ASAP1: variants seen among roughly 807,000 people sequenced by gnomAD.
ASAP1 encodes arf-GAP with SH3 domain, ANK repeat and PH domain-containing protein 1.
A neutral mutation model predicts 145.2 loss-of-function variants in ASAP1; 43 were observed. The ratio of observed to expected loss-of-function variants is 0.30; its 90% CI spans 0.23 to 0.38. The LOEUF is 0.38. Among genes scored for constraint, ASAP1 ranks in the 10% least tolerant of loss-of-function variants. The pLI is 1.00. For missense variants in ASAP1, 1,018 were observed against 1,355.3 expected (o/e 0.75, Z 3.91); for synonymous variants, 546 against 515.5 (o/e 1.06, Z -0.80).
chr8:130,341,905 G>A lies in ASAP1; in HGVS notation c.186+16112C>T, dbSNP rs1825407721. 2.0e-5 allele frequency among the ~76,000 whole-genome samples: 3 copies of A among 152,186 alleles called. No individual in the cohort carries two copies. The South Asian group carries it at 6.2e-4, about 31-fold the overall frequency. Reference sequence around the variant, plus strand: ...AGACTCTTGGCATTGTTTTCTAAGGGTTCACTGGACCGAGAGATGGGAAGA... The same window carrying A: ...AGACTCTTGGCATTGTTTTCTAAGGATTCACTGGACCGAGAGATGGGAAGA... On this transcript the variant is annotated intron_variant, in intron 3 of 29. Coordinates refer to ENST00000518721, the MANE Select transcript of ASAP1 (RefSeq NM_018482.4).
At chr8:130,282,533 T>C (rs1049455544) in intron 3 of ASAP1, among the ~76,000 whole-genome samples, 32 of 152,216 alleles carry the variant, frequency 2.1e-4, no homozygotes, top group African/African-American at 7.2e-4. Context: ...TTATTAATCA[T>C]GATGTGTGAA....
intron 27 of ASAP1, among the ~76,000 whole-genome samples, chr8:130,072,831 G>GTGTGCGTGCGCGC (rs58907739): frequency 2.7e-5 from 3 of 110,692 alleles, no homozygotes; most frequent in African/African-American, 7.2e-5. Flanking sequence ...GTGTGCGCGC[G>GTGTGCGTGCGCGC]GGGGGGGGCA....
chr8:130,358,065 G>A lies in ASAP1; in HGVS notation c.138C>T (p.Phe46=), dbSNP rs1490034277. Reference sequence around the variant, plus strand: ...TCCTGCAGTTGTGCAGCCGCGTGGTGAAGCTGGACGTGGTGGGCGAGTTGT... The same window carrying A: ...TCCTGCAGTTGTGCAGCCGCGTGGTAAAGCTGGACGTGGTGGGCGAGTTGT... ...EDYNSPTTSS[F]TTRLHNCRNT... The change falls in exon 3 of 30, where the codon TTC becomes TTT. Residue 46 remains phenylalanine, a synonymous_variant. Transcript: ENST00000518721. The surrounding 1 kb of genome is among the most constrained non-coding windows in gnomAD (Gnocchi z 4.1). 13 of 1,611,022 alleles carry A rather than the reference G, an allele frequency of 8.1e-6. No individual in the cohort carries two copies. Among genetic ancestry groups the A allele is most frequent in the African/African-American group, 2.7e-5 (2 of 74,858 alleles).
At chr8:130,433,391 T>A (rs904024587) in intron 1 of ASAP1, among the ~76,000 whole-genome samples, 10 of 152,198 alleles carry the variant, frequency 6.6e-5, no homozygotes, top group African/African-American at 2.4e-4. Flanking sequence ...CTGCCTATCT[T>A]GGAAGAGTAA....
At chr8:130,153,350 T>TATATATATATATATATAC (rs1235141329) in intron 12 of ASAP1, among the ~76,000 whole-genome samples, 1 of 48,534 alleles carries the variant, frequency 2.1e-5, no homozygotes, top group East Asian at 1.5e-3. Flanking sequence ...TATATATATA[T>TATATATATATATATATAC]ATATATATGT....
At chr8:130,072,656 T>C (rs2097449516) in intron 27 of ASAP1, among the ~76,000 whole-genome samples, 1 of 152,024 alleles carries the variant, frequency 6.6e-6, no homozygotes, top group Non-Finnish European at 1.5e-5. Context: ...GTATCCTTTA[T>C]GATAAACTGG....
chr8:130,096,795 A>C (rs750127369), intron 24 of ASAP1, among the ~76,000 whole-genome samples: 11 of 152,140 alleles, frequency 7.2e-5, no homozygotes, highest in Non-Finnish European at 1.2e-4. Flanking sequence ...GTGAGAAGGC[A>C]AGCCACATAT....
intron 3 of ASAP1, among the ~76,000 whole-genome samples, chr8:130,313,744 C>T (rs1823497848): frequency 6.6e-6 from 1 of 152,212 alleles, no homozygotes; most frequent in African/African-American, 2.4e-5. Context: ...TTATCTCAGA[C>T]ATGATCCACA....
At chr8:130,246,796 T>C (rs1210283693) in intron 3 of ASAP1, among the ~76,000 whole-genome samples, 1 of 152,186 alleles carries the variant, frequency 6.6e-6, no homozygotes, top group African/African-American at 2.4e-5. Context: ...AACCCACCTC[T>C]GAGGGCTAAG....
At chr8:130,342,953 G>A (rs942082804) in intron 3 of ASAP1, among the ~76,000 whole-genome samples, 1 of 152,162 alleles carries the variant, frequency 6.6e-6, no homozygotes, top group Non-Finnish European at 1.5e-5. Flanking sequence ...AACCATGTGT[G>A]AACGAAGGGG....
At chr8:130,072,832 G>GTGTGTGTGTGT (rs61663506) in intron 27 of ASAP1, among the ~76,000 whole-genome samples, 13 of 11,708 alleles carry the variant, frequency 1.1e-3, no homozygotes, top group African/African-American at 4.4e-3. Flanking sequence ...TGTGCGCGCG[G>GTGTGTGTGTGT]GGGGGGGCAG....
chr8:130,248,170 A>G (rs1281707993), intron 3 of ASAP1, among the ~76,000 whole-genome samples: 1 of 151,844 alleles, frequency 6.6e-6, no homozygotes, highest in African/African-American at 2.4e-5. Flanking sequence ...ACTCTGGCCC[A>G]TTGAGAGGTC....
chr8:130,126,543 A>G (rs2135727252), intron 16 of ASAP1, among the ~76,000 whole-genome samples: 1 of 152,344 alleles, frequency 6.6e-6, no homozygotes, highest in South Asian at 2.1e-4. Flanking sequence ...AGACAGCTGT[A>G]AATATTGAAC....
chr8:130,410,953 C>T (rs777935122), intron 1 of ASAP1, among the ~76,000 whole-genome samples: 10 of 152,186 alleles, frequency 6.6e-5, no homozygotes, highest in African/African-American at 9.7e-5. Context: ...CTCCGTCTCC[C>T]GGGTTCAAGC....
rs772892011 is a variant in ASAP1 at position 130,112,318 on chromosome 8, C to T, written c.2177G>A (p.Ser726Asn). 1.9e-6 allele frequency: 3 copies of T among 1,613,458 alleles called. No individual in the cohort carries two copies. The highest frequency in any genetic ancestry group is 4.5e-5 in the East Asian group (2 of 44,872). ...ESDDDLDDKPSPIKKERSPRP... is the reference protein window; with the variant it reads ...ESDDDLDDKPNPIKKERSPRP... ...GGGTGAGCGCTCTTTCTTGATAGGG[C>T]TTGGCTGGCAGATGAAATAAGAAGG... Residue 726 changes from serine (S) to asparagine (N), a missense_variant, in exon 24 of 30, where the codon AGC becomes AAC. Physicochemically the swap from Ser to Asn is conservative, Grantham distance 46. Transcript: ENST00000518721.
At chr8:130,152,521 G>C in intron 13 of ASAP1, 2 of 378,332 alleles carry the variant, frequency 5.3e-6, no homozygotes, top group Non-Finnish European at 9.4e-6. Flanking sequence ...TATTCATTTT[G>C]AGAGAGCAAA....
At chr8:130,247,746 C>T (rs1012915056) in intron 3 of ASAP1, among the ~76,000 whole-genome samples, 3 of 152,160 alleles carry the variant, frequency 2.0e-5, no homozygotes, top group Non-Finnish European at 2.9e-5. Flanking sequence ...GGTCTATCTG[C>T]TAAATACTTT....
intron 28 of ASAP1, among the ~76,000 whole-genome samples, chr8:130,058,467 T>C (rs2097409472): frequency 6.6e-6 from 1 of 152,224 alleles, no homozygotes; most frequent in Non-Finnish European, 1.5e-5. Context: ...GGAAACATGA[T>C]GTAAAGCAAA....
chr8:130,415,780 CAA>C (rs1194904074), intron 1 of ASAP1, among the ~76,000 whole-genome samples: 60 of 97,502 alleles, frequency 6.2e-4, no homozygotes, highest in African/African-American at 1.8e-3. Context: ...AACTCCATCT[CAA>C]AAAAAAAAAA....
Sources: gnomAD v4.1 joint callset for allele counts (sites outside exome capture counted in the v4.1 genomes callset) on GRCh38, gnomAD v4.1.1 for gene constraint, Gnocchi (gnomAD v3.1) non-coding constraint, MANE v1.5 for transcripts, NCBI Gene and HGNC (gene_info 2026-07-23, HGNC 2026-07-21) for gene names.